The following SEMA3A variants were observed in gnomAD, a reference collection of about 807,000 sequenced individuals.
SEMA3A encodes semaphorin 3A.
SEMA3A carries 29 observed loss-of-function variants against 97.9 expected under a neutral mutation model. The observed-to-expected ratio is 0.30, with a 90% confidence interval of 0.22 to 0.40. The LOEUF is 0.40. Among genes scored for constraint, SEMA3A ranks in the 10% least tolerant of loss-of-function variants. The probability of loss-of-function intolerance (pLI) is 1.00; values close to 1 mark genes in which losing one functional copy is unlikely to be tolerated. For synonymous variants in SEMA3A, 321 were observed against 323.7 expected (o/e 0.99, Z 0.09); for missense variants, 763 against 951.3 (o/e 0.80, Z 2.60).
chr7:84,431,780 A>T (rs565092528), intron 1 of SEMA3A, among the ~76,000 whole-genome samples: 42 of 152,170 alleles, frequency 2.8e-4, no homozygotes, highest in Non-Finnish European at 5.4e-4. Context: ...CAACATTTAC[A>T]TTACAAAGAT....
At chr7:84,404,914 C>A (rs530869186) in intron 1 of SEMA3A, among the ~76,000 whole-genome samples, 2 of 152,284 alleles carry the variant, frequency 1.3e-5, no homozygotes, top group African/African-American at 4.8e-5. Context: ...TGGAAAGGAA[C>A]AACTGGTACC....
chr7:84,203,500 G>GTATATATATATATA (rs1554345503), intron 3 of SEMA3A, among the ~76,000 whole-genome samples: 11 of 74,650 alleles, frequency 1.5e-4, no homozygotes, highest in African/African-American at 4.4e-4. Flanking sequence ...CTTTGTGTGT[G>GTATATATATATATA]TGTATATATA....
chr7:84,343,840 C>CA (rs1480684155), intron 2 of SEMA3A, among the ~76,000 whole-genome samples: 1 of 151,770 alleles, frequency 6.6e-6, no homozygotes, highest in East Asian at 1.9e-4. Flanking sequence ...AAAAACAAAA[C>CA]AAAACAAACA....
chr7:84,192,096 C>T (rs1798061790), intron 1 of SEMA3A, among the ~76,000 whole-genome samples: 1 of 151,772 alleles, frequency 6.6e-6, no homozygotes, highest in Admixed American at 6.6e-5. Flanking sequence ...AAACAAGTGA[C>T]CATGGGAAAT....
chr7:84,061,313 C>A (rs1300503022), intron 4 of SEMA3A, among the ~76,000 whole-genome samples: 1 of 152,116 alleles, frequency 6.6e-6, no homozygotes, highest in Non-Finnish European at 1.5e-5. Context: ...ACACATGTCT[C>A]AAGGTAGAAT....
intron 1 of SEMA3A, among the ~76,000 whole-genome samples, chr7:84,184,644 C>A (rs553480139): frequency 2.1e-4 from 32 of 150,712 alleles, no homozygotes; most frequent in Admixed American, 1.8e-3. Context: ...CAATATACTT[C>A]AAACCTGGAA....
At chr7:84,406,782 C>G (rs533717147) in intron 1 of SEMA3A, among the ~76,000 whole-genome samples, 2 of 152,094 alleles carry the variant, frequency 1.3e-5, no homozygotes, top group East Asian at 1.9e-4. Flanking sequence ...AGCATATAAA[C>G]AGAACCAAAG....
rs1476178402 is a variant in SEMA3A at position 84,060,556 on chromosome 7, G to C, written c.456C>G (p.Asp152Glu). ...TYIEIGHHPE[D>E]NIFKLENSHF... Reference sequence around the variant, plus strand: ...GTGAGTTCTCCAGCTTAAAAATATTGTCCTGTGGATTTAAAAAAGAAAGAG... The same window carrying C: ...GTGAGTTCTCCAGCTTAAAAATATTCTCCTGTGGATTTAAAAAAGAAAGAG... Residue 152 changes from aspartate to glutamate, a missense_variant and splice_region_variant, in exon 5 of 17, where the codon GAC (aspartate) becomes GAG (glutamate). Physicochemically the swap from Asp to Glu is conservative, Grantham distance 45. This residue lies in a region of SEMA3A where 678 missense variants were observed against 881.3 expected (regional missense o/e 0.77). Transcript: ENST00000265362. The C allele has an allele frequency of 6.5e-7, 1 of 1,548,014 alleles. No homozygotes were observed. Among genetic ancestry groups the C allele is most frequent in the Admixed American group, 2.1e-5 (1 of 47,702 alleles).
rs1172072911 is a variant in SEMA3A at position 84,473,479 on chromosome 7, C to G, written c.-246+18981G>C. On this transcript the variant is annotated intron_variant, in intron 1 of 3. Transcript: ENST00000424555. Reference sequence around the variant, plus strand: ...GCACATTCTCGGCTCATTGCAACTTCTGCCTCCCTGGTTTAAGAGATTCTC... The same window carrying G: ...GCACATTCTCGGCTCATTGCAACTTGTGCCTCCCTGGTTTAAGAGATTCTC... Among the ~76,000 whole-genome samples the G allele has an allele frequency of 2.0e-5, 3 of 151,738 alleles. No individual in the cohort carries two copies. In the East Asian group the frequency reaches 5.8e-4, roughly 29 times the overall value.
At chr7:84,052,733 G>A (rs542065814) in intron 5 of SEMA3A, among the ~76,000 whole-genome samples, 1 of 150,890 alleles carries the variant, frequency 6.6e-6, no homozygotes, top group Non-Finnish European at 1.5e-5. Context: ...TCTGATTTTA[G>A]TTATTTCTTG....
intron 1 of SEMA3A, among the ~76,000 whole-genome samples, chr7:84,383,912 C>A (rs574731165): frequency 3.9e-5 from 6 of 152,284 alleles, no homozygotes; most frequent in Non-Finnish European, 8.8e-5. Flanking sequence ...TAATATTAGA[C>A]ATGATCATGA....
At chr7:83,972,122 C>T (rs1788945451) in intron 15 of SEMA3A, among the ~76,000 whole-genome samples, 2 of 151,898 alleles carry the variant, frequency 1.3e-5, no homozygotes, top group South Asian at 4.1e-4. Context: ...AATGGTTAAA[C>T]AGTCATAGGG....
intron 1 of SEMA3A, among the ~76,000 whole-genome samples, chr7:84,485,974 G>C (rs1408494210): frequency 1.3e-5 from 2 of 152,144 alleles, no homozygotes; most frequent in African/African-American, 4.8e-5. Context: ...CTTGGCCAGA[G>C]AAAGAAATTT....
intron 1 of SEMA3A, among the ~76,000 whole-genome samples, chr7:84,440,088 T>C (rs531954557): frequency 1.3e-5 from 2 of 152,246 alleles, no homozygotes; most frequent in East Asian, 3.9e-4. Context: ...TAAAAAGCAA[T>C]ACATCAACAG....
intron 4 of SEMA3A, among the ~76,000 whole-genome samples, chr7:84,083,102 T>A (rs1794214714): frequency 6.6e-6 from 1 of 151,866 alleles, no homozygotes; most frequent in Non-Finnish European, 1.5e-5. Context: ...CCAAATTAAT[T>A]AATTTTTTTT....
chr7:84,347,690 A>C (rs1337653167), intron 2 of SEMA3A, among the ~76,000 whole-genome samples: 1 of 152,040 alleles, frequency 6.6e-6, no homozygotes, highest in East Asian at 1.9e-4. Flanking sequence ...AATTACAGGC[A>C]TGAGCCACCG....
rs556347654 is a variant in SEMA3A at position 83,995,183 on chromosome 7, G to A, written c.1452+6772C>T. ...CCTCACCCTGCTTCGGCTCGCGCACGGTGCGCTCACCCACTGACCTGCACC... is the reference window on the plus strand; with the variant it reads ...CCTCACCCTGCTTCGGCTCGCGCACAGTGCGCTCACCCACTGACCTGCACC... On this transcript the variant is annotated intron_variant, in intron 12 of 16. Transcript: ENST00000265362. Among the ~76,000 whole-genome samples the A allele has an allele frequency of 2.6e-3, 388 of 152,112 alleles. 1 individual carries two copies. Among genetic ancestry groups the A allele is most frequent in the African/African-American group, 8.9e-3 (369 of 41,488 alleles).
chr7:84,404,484 A>G (rs962691217), intron 1 of SEMA3A, among the ~76,000 whole-genome samples: 1 of 152,232 alleles, frequency 6.6e-6, no homozygotes, highest in African/African-American at 2.4e-5. Flanking sequence ...GATATTATCC[A>G]GGAGAACTTC....
At chr7:84,101,030 G>C (rs987141421) in intron 4 of SEMA3A, among the ~76,000 whole-genome samples, 8 of 152,228 alleles carry the variant, frequency 5.3e-5, no homozygotes, top group Non-Finnish European at 1.2e-4. Flanking sequence ...GTGCAATGCT[G>C]AGACTGAACA....
Sources: allele counts gnomAD v4.1 joint callset (sites outside exome capture counted in the v4.1 genomes callset), GRCh38; gene constraint gnomAD v4.1.1; regional missense constraint gnomAD v4.1.1; transcripts MANE v1.5; gene names NCBI Gene and HGNC (gene_info 2026-07-23, HGNC 2026-07-21).